CSTPP1: variants seen among roughly 807,000 people sequenced by gnomAD.
The protein encoded by CSTPP1 is UPF0705 protein C11orf49.
the CSTPP1 span, among the ~76,000 whole-genome samples, chr11:47,055,530 T>C: frequency 6.6e-6 from 1 of 152,152 alleles, no homozygotes; most frequent in Non-Finnish European, 1.5e-5. Flanking sequence ...TAAACTTTTA[T>C]ATGTAGTTAC....
chr11:47,060,028 T>C, the CSTPP1 span, among the ~76,000 whole-genome samples: 5 of 150,064 alleles, frequency 3.3e-5, no homozygotes, highest in Non-Finnish European at 7.4e-5. Context: ...TGCTTGAGTC[T>C]GGGAGGTGGA....
At chr11:46,943,966 A>G in the CSTPP1 span, among the ~76,000 whole-genome samples, 1 of 152,178 alleles carries the variant, frequency 6.6e-6, no homozygotes, top group African/African-American at 2.4e-5. Context: ...GGCTGCAGTG[A>G]GCTGTTTTCA....
chr11:47,157,359 C>G, the CSTPP1 span: 1 of 962,904 alleles, frequency 1.0e-6, no homozygotes, highest in Admixed American at 3.3e-5. Context: ...GTGCCATTTG[C>G]CCCCAAACCA....
the CSTPP1 span, among the ~76,000 whole-genome samples, chr11:47,059,358 C>T: frequency 6.6e-6 from 1 of 152,090 alleles, no homozygotes; most frequent in East Asian, 1.9e-4. Flanking sequence ...ACCCCACCCC[C>T]TCTCTGCCAA....
At chr11:47,092,505 T>C in the CSTPP1 span, among the ~76,000 whole-genome samples, 1 of 152,298 alleles carries the variant, frequency 6.6e-6, no homozygotes, top group South Asian at 2.1e-4. Context: ...CTTCACCAAA[T>C]GCTAACTAAT....
chr11:47,163,786 A>G, the CSTPP1 span, among the ~76,000 whole-genome samples: 6 of 152,054 alleles, frequency 3.9e-5, no homozygotes, highest in East Asian at 1.2e-3. Flanking sequence ...GATTACAGGC[A>G]TGCACCACAC....
At chr11:47,155,366 C>CA in the CSTPP1 span, 1 of 1,019,432 alleles carries the variant, frequency 9.8e-7, no homozygotes, top group African/African-American at 1.6e-5. Flanking sequence ...TTCTCTTCCC[C>CA]ACTTCCTTTG....
At chr11:47,128,218 G>C in the CSTPP1 span, among the ~76,000 whole-genome samples, 1 of 151,980 alleles carries the variant, frequency 6.6e-6, no homozygotes, top group Non-Finnish European at 1.5e-5. Context: ...GACCCACTTA[G>C]GTTTTAGGGC....
At chr11:47,132,493 C>A in the CSTPP1 span, among the ~76,000 whole-genome samples, 1 of 152,182 alleles carries the variant, frequency 6.6e-6, no homozygotes, top group African/African-American at 2.4e-5. Flanking sequence ...CTCTTTTGAT[C>A]TTTTACAACA....
the CSTPP1 span, among the ~76,000 whole-genome samples, chr11:46,978,819 G>C: frequency 6.6e-6 from 1 of 152,204 alleles, no homozygotes; most frequent in African/African-American, 2.4e-5. Flanking sequence ...CCACAAGAGA[G>C]AGGACAGGGA....
At chr11:47,033,807 T>C in the CSTPP1 span, among the ~76,000 whole-genome samples, 1 of 152,212 alleles carries the variant, frequency 6.6e-6, no homozygotes, top group Non-Finnish European at 1.5e-5. Flanking sequence ...GAGTACTATG[T>C]GTAATGGGCC....
chr11:47,160,090 C>A, the CSTPP1 span: 1 of 189,450 alleles, frequency 5.3e-6, no homozygotes, highest in Non-Finnish European at 1.1e-5. Context: ...TTGCTTGAGC[C>A]CAGGAGTTAA....
chr11:47,118,410 C>T, the CSTPP1 span, among the ~76,000 whole-genome samples: 15 of 152,210 alleles, frequency 9.9e-5, no homozygotes, highest in African/African-American at 1.9e-4. Flanking sequence ...TTCTTTAGCT[C>T]GGAGAAGTTT....
At chr11:47,072,737 G>A in the CSTPP1 span, among the ~76,000 whole-genome samples, 1 of 152,068 alleles carries the variant, frequency 6.6e-6, no homozygotes, top group Non-Finnish European at 1.5e-5. Flanking sequence ...CAATAGATGT[G>A]ATGACAAAAT....
chr11:47,036,221 AAT>A, the CSTPP1 span, among the ~76,000 whole-genome samples: 669 of 48,030 alleles, frequency 0.014, 112 homozygotes, highest in Non-Finnish European at 0.018. Context: ...ATTAATATAT[AAT>A]ATATATAATA....
chr11:47,064,746 T>G, the CSTPP1 span, among the ~76,000 whole-genome samples: 10 of 152,176 alleles, frequency 6.6e-5, no homozygotes, highest in Admixed American at 2.0e-4. Context: ...TGTTTGTTTG[T>G]TTGGTTTGTT....
At chr11:46,999,240 A>C in the CSTPP1 span, among the ~76,000 whole-genome samples, 1 of 147,890 alleles carries the variant, frequency 6.8e-6, no homozygotes, top group Non-Finnish European at 1.5e-5. Context: ...TAATATAATA[A>C]TTATATATTA....
At chr11:47,043,400 T>G in the CSTPP1 span, among the ~76,000 whole-genome samples, 1 of 150,814 alleles carries the variant, frequency 6.6e-6, no homozygotes, top group African/African-American at 2.4e-5. Flanking sequence ...AACCTTGAGG[T>G]GTGGGAGGAA....
At chr11:47,029,810 A>AG in the CSTPP1 span, among the ~76,000 whole-genome samples, 1 of 151,742 alleles carries the variant, frequency 6.6e-6, no homozygotes, top group East Asian at 1.9e-4. Flanking sequence ...CCTTGAAAAA[A>AG]AAAAAGGCTG....
Sources: gnomAD v4.1 joint callset for allele counts (sites outside exome capture counted in the v4.1 genomes callset) on GRCh38, gnomAD v4.1.1 for gene constraint, MANE v1.5 for transcripts, NCBI Gene and HGNC (gene_info 2026-07-23, HGNC 2026-07-21) for gene names.